The following MYLK variants were observed in gnomAD, a reference collection of about 807,000 sequenced individuals.
MYLK encodes myosin light chain kinase.
A neutral mutation model predicts 203.4 loss-of-function variants in MYLK; 106 were observed. The observed-to-expected ratio is 0.52, with a 90% CI of 0.45 to 0.61. MYLK has a LOEUF of 0.61. Ranked by LOEUF, MYLK falls within the 20% of genes least tolerant of loss-of-function variation. MYLK has a pLI of 0.00. For synonymous variants in MYLK, 867 were observed against 959.5 expected (o/e 0.90, Z 1.78); for missense variants, 2,072 against 2,442.3 (o/e 0.85, Z 3.20).
chr3:123,774,606 G>T (rs1236664341), intron 4 of MYLK, among the ~76,000 whole-genome samples: 3 of 152,180 alleles, frequency 2.0e-5, no homozygotes, highest in Non-Finnish European at 2.9e-5. Context: ...GGGCAAGAAA[G>T]TTCCAAGTAT....
At chr3:123,826,489 G>A (rs2066124251) in intron 3 of MYLK, among the ~76,000 whole-genome samples, 1 of 152,178 alleles carries the variant, frequency 6.6e-6, no homozygotes, top group Non-Finnish European at 1.5e-5. Flanking sequence ...AGACCTGTAG[G>A]TAGTCCCCAG....
chr3:123,836,397 A>G (rs114532512), intron 2 of MYLK, among the ~76,000 whole-genome samples: 2,597 of 152,292 alleles, frequency 0.017, 28 homozygotes, highest in Non-Finnish European at 0.027. Context: ...ATATTTTTAT[A>G]CCCACTTTTT....
At chr3:123,637,628 T>C (rs998406984) in intron 29 of MYLK, among the ~76,000 whole-genome samples, 3 of 152,332 alleles carry the variant, frequency 2.0e-5, no homozygotes, top group African/African-American at 7.2e-5. Context: ...GGCTAGTAGT[T>C]GGGGTCCCCG....
intron 20 of MYLK, among the ~76,000 whole-genome samples, chr3:123,680,800 G>A (rs2060236867): frequency 6.6e-6 from 1 of 152,200 alleles, no homozygotes; most frequent in African/African-American, 2.4e-5. Context: ...TCCCCTATCA[G>A]TACGGGCAAT....
intron 33 of MYLK, chr3:123,616,355 ATAT>A (rs575995692): frequency 4.5e-4 from 69 of 152,172 alleles, no homozygotes; most frequent in Non-Finnish European, 8.5e-4. Context: ...TATAAAATAT[ATAT>A]TATATGTATT....
intron 29 of MYLK, among the ~76,000 whole-genome samples, chr3:123,634,236 G>A (rs1165607470): frequency 6.6e-6 from 1 of 152,210 alleles, no homozygotes; most frequent in African/African-American, 2.4e-5. Flanking sequence ...GTTGAAGGTG[G>A]TGGCCGGGCT....
intron 4 of MYLK, among the ~76,000 whole-genome samples, chr3:123,752,759 G>T (rs1353792009): frequency 1.3e-5 from 2 of 152,144 alleles, no homozygotes; most frequent in Admixed American, 1.3e-4. Flanking sequence ...CCTGGGTCCA[G>T]AATCCACTAT....
chr3:123,653,780 C>T (rs761431646), intron 24 of MYLK, among the ~76,000 whole-genome samples: 8 of 152,116 alleles, frequency 5.3e-5, no homozygotes, highest in African/African-American at 1.2e-4. Context: ...TGGGGTTAGT[C>T]GGGGATTCTC....
At chr3:123,706,228 C>A (rs923722796) in intron 16 of MYLK, among the ~76,000 whole-genome samples, 2 of 152,108 alleles carry the variant, frequency 1.3e-5, no homozygotes, top group Non-Finnish European at 2.9e-5. Flanking sequence ...AATAAACGAG[C>A]TATTTTTAAT....
chr3:123,694,239 C>G (rs1251319110), intron 18 of MYLK, among the ~76,000 whole-genome samples: 1 of 152,220 alleles, frequency 6.6e-6, no homozygotes, highest in Admixed American at 6.5e-5. Context: ...GCACCCCACT[C>G]CCCACTTCCT....
chr3:123,759,077 G>A (rs1037352400), intron 4 of MYLK, among the ~76,000 whole-genome samples: 3 of 152,136 alleles, frequency 2.0e-5, no homozygotes, highest in Non-Finnish European at 4.4e-5. Flanking sequence ...TGCCTGCCTT[G>A]GCTTCCCAAA....
At chr3:123,823,193 C>G (rs751768627) in intron 3 of MYLK, among the ~76,000 whole-genome samples, 2 of 152,186 alleles carry the variant, frequency 1.3e-5, no homozygotes, top group Non-Finnish European at 2.9e-5. Context: ...TTTTCCCCGT[C>G]TCTAAATGAC....
At chr3:123,673,129 G>C (rs2059966013) in intron 20 of MYLK, among the ~76,000 whole-genome samples, 1 of 151,196 alleles carries the variant, frequency 6.6e-6, no homozygotes, top group Admixed American at 6.6e-5. Flanking sequence ...GGGAAGTATA[G>C]CATATAGTGC....
intron 3 of MYLK, among the ~76,000 whole-genome samples, chr3:123,809,323 G>A (rs773049767): frequency 3.9e-5 from 6 of 152,116 alleles, no homozygotes; most frequent in Admixed American, 3.9e-4. Context: ...TCAGGAGTTC[G>A]AGACAAGCCT....
At chr3:123,798,698 A>G (rs1459761866) in intron 3 of MYLK, among the ~76,000 whole-genome samples, 1 of 152,126 alleles carries the variant, frequency 6.6e-6, no homozygotes, top group African/African-American at 2.4e-5. Flanking sequence ...GGGAACATCT[A>G]GTCCCTTGCA....
intron 29 of MYLK, among the ~76,000 whole-genome samples, chr3:123,630,328 A>T (rs1159908557): frequency 3.3e-5 from 5 of 152,196 alleles, no homozygotes; most frequent in Admixed American, 3.3e-4. Context: ...CTGCCATTTA[A>T]CTATAGGGTG....
chr3:123,614,622 T>C (rs912973647), intron 33 of MYLK, among the ~76,000 whole-genome samples: 1 of 152,176 alleles, frequency 6.6e-6, no homozygotes, highest in African/African-American at 2.4e-5. Context: ...AAAAAACTTA[T>C]TTAATAGTTT....
At chr3:123,861,886 A>G (rs2031956924) in intron 2 of MYLK, among the ~76,000 whole-genome samples, 2 of 152,202 alleles carry the variant, frequency 1.3e-5, no homozygotes, top group South Asian at 2.1e-4. Context: ...AGGGATAGAC[A>G]TGGGTTTCTG....
intron 3 of MYLK, among the ~76,000 whole-genome samples, chr3:123,825,871 C>T (rs907224896): frequency 2.6e-5 from 4 of 152,246 alleles, no homozygotes; most frequent in African/African-American, 9.6e-5. Flanking sequence ...GGAAAACCCA[C>T]CCTTGAGCCA....
Sources: allele counts gnomAD v4.1 joint callset (sites outside exome capture counted in the v4.1 genomes callset), GRCh38; gene constraint gnomAD v4.1.1; transcripts MANE v1.5; gene names NCBI Gene and HGNC (gene_info 2026-07-23, HGNC 2026-07-21).